Variants in TRIM2 observed in about 807,000 individuals in gnomAD.
TRIM2 encodes tripartite motif-containing protein 2.
TRIM2 carries 20 observed loss-of-function variants against 75.2 expected under a neutral mutation model. That is an observed-to-expected ratio of 0.27 (90% CI 0.19 to 0.39). The LOEUF is 0.39. Ranked by LOEUF, TRIM2 falls within the 10% of genes least tolerant of loss-of-function variation. TRIM2 has a pLI of 1.00. For synonymous variants in TRIM2, 373 were observed against 388.3 expected (o/e 0.96, Z 0.46); for missense variants, 660 against 990.8 (o/e 0.67, Z 4.48).
chr4:153,212,998 G>A (rs903193375), intron 1 of TRIM2, among the ~76,000 whole-genome samples: 1 of 152,186 alleles, frequency 6.6e-6, no homozygotes, highest in Non-Finnish European at 1.5e-5. Flanking sequence ...CACAGCTACT[G>A]CCTGGGAAGC....
At position 153,246,864 on chromosome 4, in the gene TRIM2, C is replaced by T. The variant is rs372811435; in HGVS notation, c.31-23471C>T. Among the ~76,000 whole-genome samples the T allele has an allele frequency of 3.3e-3, 500 of 152,282 alleles. 3 individuals are homozygous for T. The highest frequency in any genetic ancestry group is 0.011 in the African/African-American group (461 of 41,550). ...TGCTGCTTGACTTCTATTCTTCCGC[C>T]CTTGCTCTTCCCCTCTGCCTCTGGT... On this transcript the variant is annotated intron_variant, in intron 1 of 11. Coordinates refer to ENST00000338700, the MANE Select transcript of TRIM2 (RefSeq NM_015271.5).
rs199933677 is a variant in TRIM2 at position 153,295,995 on chromosome 4, G to A, written c.1469G>A (p.Arg490Gln). Residue 490 changes from arginine (R) to glutamine (Q), a missense_variant, in exon 6 of 12, where the codon CGA becomes CAA. Coordinates refer to ENST00000338700, the MANE Select transcript of TRIM2 (RefSeq NM_015271.5). The surrounding 1 kb of genome is among the most constrained non-coding windows in gnomAD (Gnocchi z 7.2). The stretch of plus-strand genomic sequence containing the variant: ...GCAAGCATGTACAGCACTGGAAAAC[G>A]AAAAGAGAATCCCATCGAAGACGAT... ...RPASMYSTGK[R>Q]KENPIEDDLI... The A allele has an allele frequency of 4.6e-6, 7 of 1,527,932 alleles. No homozygotes were observed. The highest frequency in any genetic ancestry group is 2.3e-5 in the East Asian group (1 of 44,232). The allele number at this position is 1,527,932 out of a possible 1,614,324, so 94.6% of individuals were successfully genotyped here. A position where few individuals can be genotyped will look rare whatever the true frequency, so the allele number is the denominator to read the frequency against.
At position 153,295,448 on chromosome 4, in the gene TRIM2, C is replaced by T; in HGVS notation, c.922C>T (p.Leu308=). 6.2e-7 allele frequency: 1 copy of T among 1,614,196 alleles called. No homozygotes were observed. Among genetic ancestry groups the T allele is most frequent in the Non-Finnish European group, 8.5e-7 (1 of 1,180,018 alleles). The change falls in exon 6 of 12, where the codon CTG becomes TTG. Residue 308 remains leucine (L), a synonymous_variant. Coordinates refer to ENST00000338700, the MANE Select transcript of TRIM2 (RefSeq NM_015271.5). This position sits in a 1 kb window ranked among gnomAD's most constrained non-coding sequence, Gnocchi z 7.2. ...GGTGAAGAAGCAGATGAGCGAGAAG[C>T]TGAACGAGCTGGCCGACCAGGACTT... is the stretch of plus-strand genomic sequence containing the variant. ...LLVKKQMSEK[L]NELADQDFPL...
intron 3 of TRIM2, among the ~76,000 whole-genome samples, chr4:153,279,932 G>T (rs1758863120): frequency 7.5e-6 from 1 of 133,524 alleles, no homozygotes; most frequent in African/African-American, 3.2e-5. Flanking sequence ...AACAGAGTGA[G>T]ACTCTGTCTC....
chr4:153,301,652 G>C (rs1006883086), intron 6 of TRIM2, among the ~76,000 whole-genome samples: 10 of 152,180 alleles, frequency 6.6e-5, no homozygotes, highest in Non-Finnish European at 1.3e-4. Context: ...AATCCAGTTT[G>C]AGTTGATTTT....
chr4:153,224,597 T>C (rs1741625222), intron 1 of TRIM2, among the ~76,000 whole-genome samples: 1 of 152,246 alleles, frequency 6.6e-6, no homozygotes, highest in East Asian at 1.9e-4. Flanking sequence ...AAGGTTTGTT[T>C]AGATGACTGT....
intron 6 of TRIM2, among the ~76,000 whole-genome samples, chr4:153,303,434 C>G (rs1415923700): frequency 6.7e-6 from 1 of 150,292 alleles, no homozygotes; most frequent in Non-Finnish European, 1.5e-5. Context: ...GATCTTGCCA[C>G]TGTACTCCAG....
chr4:153,307,058 G>A (rs1765165455), intron 6 of TRIM2, among the ~76,000 whole-genome samples: 1 of 152,142 alleles, frequency 6.6e-6, no homozygotes, highest in Admixed American at 6.5e-5. Context: ...CCCACTGTGA[G>A]TGAGTTATTA....
intron 1 of TRIM2, among the ~76,000 whole-genome samples, chr4:153,250,180 C>A (rs901250002): frequency 6.6e-5 from 10 of 151,864 alleles, no homozygotes; most frequent in Non-Finnish European, 1.0e-4. Flanking sequence ...AGTACAGAGG[C>A]CCCATCTCAG....
At position 153,337,196 on chromosome 4, in the gene TRIM2, C is replaced by T; in HGVS notation, c.*2230C>T. 1 of 985,358 alleles carries T rather than the reference C, an allele frequency of 1.0e-6. No individual in the cohort carries two copies. The highest frequency in any genetic ancestry group is 1.2e-6 in the Non-Finnish European group (1 of 829,842). The allele number at this position is 985,358 out of a possible 1,614,324, so 61.0% of individuals were successfully genotyped here. A position where few individuals can be genotyped will look rare whatever the true frequency, so the allele number is the denominator to read the frequency against. On this transcript the variant is annotated 3_prime_UTR_variant, in exon 12 of 12. Transcript: ENST00000338700. ...GGTTACATTAATTTTAGTTTATTTT[C>T]ACAAGTAAAAATGGCTTTTTATTTA...
chr4:153,328,742 C>T, intron 11 of TRIM2, 72 bp downstream of exon 11: 3 of 1,458,460 alleles, frequency 2.1e-6, no homozygotes, highest in Non-Finnish European at 2.7e-6. Context: ...TGCTGTCCCC[C>T]AAACTGGAAT....
intron 3 of TRIM2, among the ~76,000 whole-genome samples, chr4:153,280,233 G>C (rs1758979830): frequency 6.6e-6 from 1 of 151,902 alleles, no homozygotes; most frequent in Non-Finnish European, 1.5e-5. Context: ...CTGCATTGTA[G>C]GAAAAGCTAG....
At chr4:153,163,498 T>A (rs1396268966) in intron 1 of TRIM2, among the ~76,000 whole-genome samples, 2 of 124,392 alleles carry the variant, frequency 1.6e-5, no homozygotes, top group South Asian at 2.8e-4. Flanking sequence ...TTTACATCTT[T>A]TTTTTTTTTT....
chr4:153,258,983 C>G (rs778124469), intron 1 of TRIM2, among the ~76,000 whole-genome samples: 1 of 152,200 alleles, frequency 6.6e-6, no homozygotes, highest in Non-Finnish European at 1.5e-5. Context: ...TATGAGAAAG[C>G]AGCTTTCGGA....
At chr4:153,304,300 G>C (rs866458048) in intron 6 of TRIM2, among the ~76,000 whole-genome samples, 1 of 152,120 alleles carries the variant, frequency 6.6e-6, no homozygotes, top group Middle Eastern at 3.4e-3. Flanking sequence ...TTTCAGTAGA[G>C]ATGGGCTTTT....
intron 7 of TRIM2, 73 bp from the exon 8 acceptor site, chr4:153,315,759 A>T (rs1767455292): frequency 6.4e-7 from 1 of 1,563,386 alleles, no homozygotes; most frequent in African/African-American, 1.4e-5. Flanking sequence ...TGTATGGCAG[A>T]TGTTTCTGCC....
rs1772448956 is a variant in TRIM2 at position 153,336,358 on chromosome 4, A to AC, written c.*1393dup. 2.2e-6 allele frequency: 2 copies of AC among 911,966 alleles called. No homozygotes were observed. The allele number at this position is 911,966 out of a possible 1,614,324, so 56.5% of individuals were successfully genotyped here. ...GCCTTCTGTGCTTTCAAAAAAAAAA[A>AC]CAAAAAAAAAACCACACACACACAT... On this transcript the variant is annotated 3_prime_UTR_variant, in exon 12 of 12. Coordinates refer to ENST00000338700, the MANE Select transcript of TRIM2 (RefSeq NM_015271.5).
intron 1 of TRIM2, among the ~76,000 whole-genome samples, chr4:153,176,084 A>G (rs1016462449): frequency 3.3e-5 from 5 of 151,970 alleles, no homozygotes; most frequent in Admixed American, 6.6e-5. Context: ...TTAAGAGTAA[A>G]GGGGCACGAT....
intron 2 of TRIM2, among the ~76,000 whole-genome samples, chr4:153,272,385 T>C (rs1756926272): frequency 1.3e-5 from 2 of 152,200 alleles, no homozygotes; most frequent in African/African-American, 4.8e-5. Flanking sequence ...CCTGACCTCA[T>C]GATCTGCCCA....
Sources: allele counts gnomAD v4.1 joint callset (sites outside exome capture counted in the v4.1 genomes callset), GRCh38; gene constraint gnomAD v4.1.1; non-coding constraint Gnocchi (gnomAD v3.1); transcripts MANE v1.5; gene names NCBI Gene and HGNC (gene_info 2026-07-23, HGNC 2026-07-21).